Variants in TRPC6 observed in about 807,000 individuals in gnomAD.
TRPC6 encodes the protein transient receptor potential cation channel subfamily C member 6.
TRPC6 carries 55 observed loss-of-function variants against 90.7 expected under a neutral mutation model. That is an observed-to-expected ratio of 0.61 (90% CI 0.49 to 0.76). The LOEUF (loss-of-function observed/expected upper bound fraction) is 0.76. TRPC6 is among the 30% of genes least tolerant of loss of function. TRPC6 has a pLI of 0.00. For missense variants in TRPC6, 989 were observed against 1,122.7 expected (o/e 0.88, Z 1.70); for synonymous variants, 393 against 393.0 (o/e 1.00, Z 0.00).
At chr11:101,497,894 CA>C (rs1408562281) in intron 2 of TRPC6, among the ~76,000 whole-genome samples, 1 of 151,660 alleles carries the variant, frequency 6.6e-6, no homozygotes, top group African/African-American at 2.4e-5. Flanking sequence ...GTGATGTTCC[CA>C]AAAGAGGGGA....
intron 1 of TRPC6, among the ~76,000 whole-genome samples, chr11:101,557,098 G>A (rs1037378105): frequency 3.3e-5 from 5 of 152,296 alleles, no homozygotes; most frequent in African/African-American, 7.2e-5. Flanking sequence ...GCTCATGCCT[G>A]TAACGCCAGC....
At chr11:101,539,530 C>A (rs1861125678) in intron 1 of TRPC6, among the ~76,000 whole-genome samples, 1 of 152,182 alleles carries the variant, frequency 6.6e-6, no homozygotes. Context: ...TGTGGAGACA[C>A]CTTGTCACCA....
At chr11:101,510,064 C>G (rs927696543) in intron 1 of TRPC6, among the ~76,000 whole-genome samples, 4 of 152,112 alleles carry the variant, frequency 2.6e-5, no homozygotes, top group African/African-American at 9.7e-5. Context: ...GTAAAAGCTG[C>G]TTGTATGTTG....
chr11:101,477,435 G>C (rs554558767), intron 5 of TRPC6, among the ~76,000 whole-genome samples: 30 of 152,184 alleles, frequency 2.0e-4, no homozygotes, highest in African/African-American at 6.3e-4. Flanking sequence ...AAGTAAAAAT[G>C]TTTAAAATGT....
intron 1 of TRPC6, among the ~76,000 whole-genome samples, chr11:101,525,820 G>C (rs1475544632): frequency 6.6e-6 from 1 of 152,192 alleles, no homozygotes. Flanking sequence ...TTGAAGTTGA[G>C]AGGATCAGGG....
chr11:101,512,454 T>C (rs1860415306), intron 1 of TRPC6, among the ~76,000 whole-genome samples: 2 of 152,214 alleles, frequency 1.3e-5, no homozygotes, highest in Admixed American at 6.5e-5. Flanking sequence ...GAGAATGAAA[T>C]TGTGAGTAAA....
chr11:101,540,248 G>A (rs554792751), intron 1 of TRPC6, among the ~76,000 whole-genome samples: 1 of 152,262 alleles, frequency 6.6e-6, no homozygotes, highest in East Asian at 1.9e-4. Flanking sequence ...TGATAGGAAG[G>A]GCACAGGCAG....
At chr11:101,483,233 ACATG>A (rs1859595440) in intron 4 of TRPC6, 68 bp from the exon 5 acceptor site, 1 of 1,484,296 alleles carries the variant, frequency 6.7e-7, no homozygotes, top group Non-Finnish European at 9.4e-7. Context: ...ACACATACAT[ACATG>A]CAAGAATAAA....
intron 2 of TRPC6, among the ~76,000 whole-genome samples, chr11:101,492,131 G>T (rs1202182563): frequency 6.6e-6 from 1 of 151,898 alleles, no homozygotes; most frequent in African/African-American, 2.4e-5. Context: ...GAGCCACCAT[G>T]CCCAGCCGAG....
At chr11:101,497,254 G>A (rs12793746) in intron 2 of TRPC6, among the ~76,000 whole-genome samples, 12,498 of 152,238 alleles carry the variant, frequency 0.082, 698 homozygotes, top group Middle Eastern at 0.13. Flanking sequence ...CTCAGCTAAG[G>A]TACACTTTCT....
chr11:101,540,136 T>C (rs977406117), intron 1 of TRPC6, among the ~76,000 whole-genome samples: 1 of 152,226 alleles, frequency 6.6e-6, no homozygotes, highest in Non-Finnish European at 1.5e-5. Flanking sequence ...AAAATTCCTG[T>C]TCTCTAGGAA....
intron 1 of TRPC6, among the ~76,000 whole-genome samples, chr11:101,582,895 C>G (rs570868670): frequency 6.6e-6 from 1 of 152,150 alleles, no homozygotes; most frequent in South Asian, 2.1e-4. Flanking sequence ...AGCTCCAACC[C>G]TTGGAGTTCT....
chr11:101,583,184 A>G (rs1168244782), intron 1 of TRPC6, 150 bp downstream of exon 1: 4 of 1,389,222 alleles, frequency 2.9e-6, no homozygotes. Flanking sequence ...CTCAGGTCCC[A>G]GCCCTGGCTC....
chr11:101,579,421 C>G (rs187869241), intron 1 of TRPC6, among the ~76,000 whole-genome samples: 1 of 152,192 alleles, frequency 6.6e-6, no homozygotes, highest in African/African-American at 2.4e-5. Flanking sequence ...TATCTACTCA[C>G]TCATGGTCGA....
rs1363617967 is a variant in TRPC6, at chr11:101,476,491, G to C, written c.1554C>G (p.Pro518=). ...TCCACAACTCAAACAAATATTCCTTGGGGCCCTGAGTCCAGATTTCTTTAC... is the reference window on the plus strand; with the variant it reads ...TCCACAACTCAAACAAATATTCCTTCGGGCCCTGAGTCCAGATTTCTTTAC... The part of the protein sequence containing the change: ...AECKEIWTQG[P]KEYLFELWNM... The change falls in exon 6 of 13, where the codon CCC becomes CCG. Residue 518 remains proline, a synonymous_variant. Transcript: ENST00000344327. 1 of 1,613,894 alleles carries C rather than the reference G, an allele frequency of 6.2e-7. No homozygotes were observed.
intron 1 of TRPC6, among the ~76,000 whole-genome samples, chr11:101,551,901 C>T (rs1861458590): frequency 6.6e-6 from 1 of 152,086 alleles, no homozygotes; most frequent in Non-Finnish European, 1.5e-5. Context: ...TGTAACACAA[C>T]TCACTGTTAG....
intron 10 of TRPC6, among the ~76,000 whole-genome samples, chr11:101,460,031 T>C (rs957123659): frequency 2.0e-5 from 3 of 152,192 alleles, no homozygotes; most frequent in Non-Finnish European, 4.4e-5. Flanking sequence ...TGTACACTTA[T>C]TATAAGATCT....
At chr11:101,558,949 T>C (rs866265858) in intron 1 of TRPC6, among the ~76,000 whole-genome samples, 2 of 152,090 alleles carry the variant, frequency 1.3e-5, no homozygotes, top group Admixed American at 6.6e-5. Flanking sequence ...CTACACAACA[T>C]TGATCTAGGC....
At chr11:101,555,176 TA>T (rs1349546835) in intron 1 of TRPC6, among the ~76,000 whole-genome samples, 3 of 152,204 alleles carry the variant, frequency 2.0e-5, no homozygotes, top group Non-Finnish European at 1.5e-5. Context: ...ATTATACAAC[TA>T]AATCTCTTTT....
Sources: gnomAD v4.1 joint callset for allele counts (sites outside exome capture counted in the v4.1 genomes callset) on GRCh38, gnomAD v4.1.1 for gene constraint, MANE v1.5 for transcripts, NCBI Gene and HGNC (gene_info 2026-07-23, HGNC 2026-07-21) for gene names.